The following ASTN2 variants were observed in gnomAD, a reference collection of about 807,000 sequenced individuals.
The protein encoded by ASTN2 is astrotactin-2.
A neutral mutation model predicts 139.8 loss-of-function variants in ASTN2; 54 were observed. That is an observed-to-expected ratio of 0.39 (90% CI 0.31 to 0.48). The LOEUF (loss-of-function observed/expected upper bound fraction) is 0.48. Among genes scored for constraint, ASTN2 ranks in the 20% least tolerant of loss-of-function variants. ASTN2 has a pLI of 0.95. For missense variants in ASTN2, 1,565 were observed against 1,725.1 expected (o/e 0.91, Z 1.64); for synonymous variants, 756 against 719.5 (o/e 1.05, Z -0.81).
intron 1 of ASTN2, among the ~76,000 whole-genome samples, chr9:117,318,481 T>G (rs1268624073): frequency 6.6e-6 from 1 of 152,164 alleles, no homozygotes; most frequent in Middle Eastern, 3.2e-3. Context: ...CTTCCTGGCT[T>G]GGAGGAGAGA....
At chr9:116,753,483 A>G (rs575131007) in intron 13 of ASTN2, among the ~76,000 whole-genome samples, 1 of 152,340 alleles carries the variant, frequency 6.6e-6, no homozygotes, top group South Asian at 2.1e-4. Context: ...GAACTATACA[A>G]CACCAAAAGG....
chr9:116,674,881 G>A (rs150386906), intron 16 of ASTN2, among the ~76,000 whole-genome samples: 6 of 152,254 alleles, frequency 3.9e-5, no homozygotes, highest in African/African-American at 1.4e-4. Context: ...TAAAAACTCT[G>A]CTCCCCAAAT....
chr9:116,626,034 C>T (rs925287334), intron 17 of ASTN2, among the ~76,000 whole-genome samples: 4 of 151,838 alleles, frequency 2.6e-5, no homozygotes, highest in Non-Finnish European at 4.4e-5. Flanking sequence ...GGCTAGAGTG[C>T]GGTGGCACAA....
intron 11 of ASTN2, among the ~76,000 whole-genome samples, chr9:116,827,100 G>A (rs2416577): frequency 0.79 from 120,495 of 151,796 alleles, 48,028 homozygotes; most frequent in East Asian, 0.92. Flanking sequence ...ACCTAAGGTC[G>A]GGAGTTCGAG....
chr9:116,539,043 A>C (rs1037087481), intron 19 of ASTN2, among the ~76,000 whole-genome samples: 1 of 152,216 alleles, frequency 6.6e-6, no homozygotes, highest in African/African-American at 2.4e-5. Flanking sequence ...GGTACATGCT[A>C]CGACATGGAC....
At chr9:117,200,417 G>A (rs1277761073) in intron 3 of ASTN2, among the ~76,000 whole-genome samples, 1 of 152,166 alleles carries the variant, frequency 6.6e-6, no homozygotes, top group Non-Finnish European at 1.5e-5. Flanking sequence ...GGAGTGGTGA[G>A]AGAGGGCATC....
At chr9:116,692,503 T>C (rs929297935) in intron 16 of ASTN2, among the ~76,000 whole-genome samples, 1 of 152,226 alleles carries the variant, frequency 6.6e-6, no homozygotes, top group Non-Finnish European at 1.5e-5. Flanking sequence ...GCAATAACTT[T>C]GTGAGGAAGA....
intron 5 of ASTN2, among the ~76,000 whole-genome samples, chr9:117,061,139 T>TTTA (rs140825544): frequency 7.0e-6 from 1 of 141,928 alleles, no homozygotes. Context: ...TACACCAGTC[T>TTTA]TTTATTTATT....
intron 1 of ASTN2, among the ~76,000 whole-genome samples, chr9:117,295,959 C>T (rs1419868332): frequency 2.0e-5 from 3 of 151,840 alleles, no homozygotes; most frequent in East Asian, 3.9e-4. Context: ...GTGTGTATGT[C>T]GGAGTGGAGC....
At chr9:116,560,635 T>G (rs1160590531) in intron 19 of ASTN2, among the ~76,000 whole-genome samples, 1 of 152,216 alleles carries the variant, frequency 6.6e-6, no homozygotes, top group East Asian at 1.9e-4. Flanking sequence ...AGTTTTATAA[T>G]TCAATTGATG....
Position 116,975,202 on chromosome 9 carries a change from C to A in ASTN2, c.1889+6G>T. On this transcript the variant is annotated splice_donor_region_variant and intron_variant, in intron 10 of 22. Transcript: ENST00000313400. Reference sequence around the variant, plus strand: ...CCTATGCAGAGTACTGGAGATGATTCCCTACCTGACATCTGCAGGGTCTTC... The same window carrying A: ...CCTATGCAGAGTACTGGAGATGATTACCTACCTGACATCTGCAGGGTCTTC... The A allele has an allele frequency of 6.2e-7, 1 of 1,604,392 alleles. No individual in the cohort carries two copies. The highest frequency in any genetic ancestry group is 8.5e-7 in the Non-Finnish European group (1 of 1,175,782).
At chr9:116,815,804 C>CAAAAAAAAAAAAAAA (rs55954354) in intron 12 of ASTN2, among the ~76,000 whole-genome samples, 896 of 24,094 alleles carry the variant, frequency 0.037, 304 homozygotes, top group African/African-American at 0.059. Context: ...GACTCCGTCT[C>CAAAAAAAAAAAAAAA]AAAAAAAAAA....
intron 6 of ASTN2, among the ~76,000 whole-genome samples, chr9:117,020,060 A>G (rs1169955138): frequency 7.0e-6 from 1 of 142,694 alleles, no homozygotes; most frequent in Non-Finnish European, 1.6e-5. Flanking sequence ...GTGTGTGTGT[A>G]GCAAAAATTC....
At chr9:116,914,861 A>G (rs1834400851) in intron 10 of ASTN2, among the ~76,000 whole-genome samples, 1 of 152,136 alleles carries the variant, frequency 6.6e-6, no homozygotes. Context: ...CATTTTGTAG[A>G]TGAGCTAACT....
Position 116,698,089 on chromosome 9 carries a change from G to A in ASTN2, c.2806+27682C>T, listed in dbSNP as rs767024504. ...CCCCGGCAATTCTGCCGGAGCTGTG[G>A]TTTGGTGTTATGTGAGCCCTGCCGG... On this transcript the variant is annotated intron_variant, in intron 16 of 22. Coordinates refer to ENST00000313400, the MANE Select transcript of ASTN2 (RefSeq NM_001365068.1). This position sits in a 1 kb window ranked among gnomAD's most constrained non-coding sequence, Gnocchi z 4.4. 3.1e-6 allele frequency: 5 copies of A among 1,614,158 alleles called. No individual in the cohort carries two copies. Among genetic ancestry groups the A allele is most frequent in the Non-Finnish European group, 4.2e-6 (5 of 1,180,036 alleles).
At chr9:117,236,836 T>C (rs1833059078) in intron 2 of ASTN2, among the ~76,000 whole-genome samples, 1 of 152,206 alleles carries the variant, frequency 6.6e-6, no homozygotes, top group Admixed American at 6.5e-5. Flanking sequence ...TAAGGTAATA[T>C]ATGTCAAGTC....
In ASTN2 at chr9:116,483,398, A is replaced by G. The variant is rs145209452; in HGVS notation, c.3497+3961T>C. 4.1e-3 allele frequency among the ~76,000 whole-genome samples: 629 copies of G among 152,288 alleles called. 11 individuals are homozygous for G. The highest frequency in any genetic ancestry group is 0.027 in the Admixed American group (409 of 15,304). ...ACCCTGTGGCACTGTGTAAATTTAC[A>G]TGGATGGAGGGGCTACAGAAAAAAT... is the stretch of plus-strand genomic sequence containing the variant. On this transcript the variant is annotated intron_variant, in intron 20 of 22. Transcript: ENST00000313400.
At chr9:116,916,563 T>C (rs148580988) in intron 10 of ASTN2, among the ~76,000 whole-genome samples, 2,026 of 152,280 alleles carry the variant, frequency 0.013, 25 homozygotes, top group Non-Finnish European at 0.019. Flanking sequence ...TAGAAAGATG[T>C]GGGCCAGGTG....
chr9:117,370,898 A>G (rs1829973492), intron 1 of ASTN2, among the ~76,000 whole-genome samples: 1 of 152,054 alleles, frequency 6.6e-6, no homozygotes. Flanking sequence ...TACATTATCA[A>G]ATGCCCCCAA....
Sources: gnomAD v4.1 joint callset for allele counts (sites outside exome capture counted in the v4.1 genomes callset) on GRCh38, gnomAD v4.1.1 for gene constraint, Gnocchi (gnomAD v3.1) non-coding constraint, MANE v1.5 for transcripts, NCBI Gene and HGNC (gene_info 2026-07-23, HGNC 2026-07-21) for gene names.